GABRR2: variants seen among roughly 807,000 people sequenced by gnomAD.
GABRR2 encodes the protein gamma-aminobutyric acid receptor subunit rho-2.
A neutral mutation model predicts 47.0 loss-of-function variants in GABRR2; 36 were observed. The ratio of observed to expected loss-of-function variants is 0.77; its 90% CI spans 0.59 to 1.01. The LOEUF (loss-of-function observed/expected upper bound fraction) is 1.01. Ranked by LOEUF, GABRR2 falls within the 50% of genes least tolerant of loss-of-function variation. The pLI, the probability that GABRR2 is intolerant of heterozygous loss-of-function variation, is 0.00. For synonymous variants in GABRR2, 204 were observed against 227.5 expected (o/e 0.90, Z 0.93); for missense variants, 587 against 594.6 (o/e 0.99, Z 0.13).
In GABRR2 at chr6:89,257,675, A is replaced by G. The variant is rs1162560889; in HGVS notation, c.1393T>C (p.Ser465Pro). The change falls in exon 9 of 9, where the codon TCC becomes CCC. Residue 465 changes from serine (S) to proline (P), a missense_variant. By Grantham distance (74) the Ser-to-Pro change is moderately conservative. Transcript: ENST00000402938. ...FFNLIYWSVF[S>P] is the part of the protein sequence containing the mutation. Reference sequence around the variant, plus strand: ...TAGGAACAGCCTTGGAGCCCCTAGGAAAACACTGACCAATAAATTAAGTTG... The same window carrying G: ...TAGGAACAGCCTTGGAGCCCCTAGGGAAACACTGACCAATAAATTAAGTTG... 6.2e-7 allele frequency: 1 copy of G among 1,610,942 alleles called. No homozygotes were observed. The highest frequency in any genetic ancestry group is 2.2e-5 in the East Asian group (1 of 44,854).
intron 2 of GABRR2, among the ~76,000 whole-genome samples, chr6:89,280,201 T>A (rs1774230873): frequency 7.9e-6 from 1 of 126,708 alleles, no homozygotes; most frequent in Non-Finnish European, 1.6e-5. Flanking sequence ...AGAGACTTAG[T>A]CTAAAAACAA....
intron 2 of GABRR2, among the ~76,000 whole-genome samples, chr6:89,276,118 ATTAT>A (rs954499821): frequency 2.4e-4 from 36 of 147,656 alleles, no homozygotes; most frequent in African/African-American, 2.7e-4. Flanking sequence ...ATTATAAATC[ATTAT>A]TTATATTATA....
intron 2 of GABRR2, among the ~76,000 whole-genome samples, chr6:89,297,380 AG>A (rs1040615774): frequency 2.6e-5 from 4 of 152,150 alleles, no homozygotes; most frequent in African/African-American, 9.7e-5. Context: ...CCCAGCTAGG[AG>A]GGGGGTCCAA....
rs1352304558 is a variant in GABRR2 at position 89,302,669 on chromosome 6, C to T, written c.114-2804G>A. Reference sequence around the variant, plus strand: ...TTGATGCCAAGAACATGATGGCTGCCCGCGACCGGCACCACGGCTGCTACC... The same window carrying T: ...TTGATGCCAAGAACATGATGGCTGCTCGCGACCGGCACCACGGCTGCTACC... On this transcript the variant is annotated intron_variant, in intron 1 of 8. Transcript: ENST00000402938. 5 of 1,296,954 alleles carry T rather than the reference C, an allele frequency of 3.9e-6. No individual in the cohort carries two copies. The African/African-American group carries it at 6.0e-5, about 15-fold the overall frequency. 80.3% of individuals were successfully genotyped at this position (1,296,954 alleles called of 1,614,324 possible). A position where few individuals can be genotyped will look rare whatever the true frequency, so the allele number is the denominator to read the frequency against.
At chr6:89,271,041 T>C (rs1774038734) in intron 3 of GABRR2, among the ~76,000 whole-genome samples, 1 of 152,192 alleles carries the variant, frequency 6.6e-6, no homozygotes, top group African/African-American at 2.4e-5. Flanking sequence ...AAGAAGGAGA[T>C]AGCTATGGGG....
chr6:89,269,292 A>T, intron 3 of GABRR2, 58 bp from the exon 4 acceptor site: 1 of 1,300,356 alleles, frequency 7.7e-7, no homozygotes, highest in Non-Finnish European at 1.1e-6. Flanking sequence ...CTTCCTTACA[A>T]TCAACCCACC....
At chr6:89,265,518 G>T in intron 7 of GABRR2, 95 bp downstream of exon 7, 1 of 1,379,082 alleles carries the variant, frequency 7.3e-7, no homozygotes, top group Non-Finnish European at 9.8e-7. Context: ...CAGCTCATCA[G>T]TTAAGAAGTC....
In GABRR2 at chr6:89,257,361, T is replaced by C; in HGVS notation, c.*309A>G. ...GGCAATCTGAGGGTCTAAGAATGTC[T>C]AGGAGGCATTTGAATCCTTGTTTAT... On this transcript the variant is annotated 3_prime_UTR_variant, in exon 9 of 9. Coordinates refer to ENST00000402938, the MANE Select transcript of GABRR2 (RefSeq NM_002043.5). 2.9e-6 allele frequency: 1 copy of C among 346,986 alleles called. No homozygotes were observed. The allele number at this position is 346,986 out of a possible 1,614,324, so 21.5% of individuals were successfully genotyped here.
At chr6:89,264,338 G>A (rs1773826455) in intron 8 of GABRR2, 74 bp downstream of exon 8, 6 of 1,485,864 alleles carry the variant, frequency 4.0e-6, no homozygotes, top group Non-Finnish European at 5.4e-6. Flanking sequence ...CCCTGCCTCT[G>A]CCCCCTGGCC....
intron 4 of GABRR2, among the ~76,000 whole-genome samples, chr6:89,268,608 G>A (rs1401632482): frequency 1.3e-5 from 2 of 150,158 alleles, no homozygotes; most frequent in African/African-American, 4.9e-5. Flanking sequence ...TACTCCAGAA[G>A]CCAATCTGCA....
Position 89,255,334 on chromosome 6 carries a change from G to A in GABRR2, c.*2336C>T, listed in dbSNP as rs556109985. On this transcript the variant is annotated 3_prime_UTR_variant, in exon 9 of 9. Transcript: ENST00000402938. ...ATGCCTGTAATCCCAGCTACTCCAG[G>A]GCTGAGGCAGGAGAATTGCTTGAAC... Among the ~76,000 whole-genome samples, 2 of 152,002 alleles carry A rather than the reference G, an allele frequency of 1.3e-5. No individual in the cohort carries two copies. The highest frequency in any genetic ancestry group is 2.4e-5 in the African/African-American group (1 of 41,362).
chr6:89,287,651 G>A (rs1774355398), intron 2 of GABRR2, among the ~76,000 whole-genome samples: 1 of 152,206 alleles, frequency 6.6e-6, no homozygotes, highest in African/African-American at 2.4e-5. Context: ...GGTGGGTGCT[G>A]ATATCACCCC....
At position 89,271,685 on chromosome 6, in the gene GABRR2, C is replaced by T; in HGVS notation, c.258G>A (p.Glu86=). ...AIPVGVDVQV[E]SLDSISEVDM... The stretch of plus-strand genomic sequence containing the variant: ...CCACCTCGGAGATGCTGTCCAGGCT[C>T]TCCACCTGTACGTCCACGCCCACCG... The change falls in exon 3 of 9, where the codon GAG becomes GAA. Residue 86 remains glutamate (E), a synonymous_variant. Transcript: ENST00000402938. 1 of 1,612,642 alleles carries T rather than the reference C, an allele frequency of 6.2e-7. No individual in the cohort carries two copies.
At chr6:89,276,568 C>T (rs1035180335) in intron 2 of GABRR2, among the ~76,000 whole-genome samples, 2 of 151,810 alleles carry the variant, frequency 1.3e-5, no homozygotes, top group African/African-American at 4.8e-5. Context: ...AATAGTAAAC[C>T]GTTGTAAGAT....
At chr6:89,314,094 T>A (rs980592481) in intron 1 of GABRR2, among the ~76,000 whole-genome samples, 8 of 151,702 alleles carry the variant, frequency 5.3e-5, no homozygotes, top group African/African-American at 1.9e-4. Context: ...CACATGTATG[T>A]GATTTGTAAG....
intron 2 of GABRR2, among the ~76,000 whole-genome samples, chr6:89,292,823 ATATATCGTATATACGATATATCG>A (rs1774491390): frequency 6.7e-5 from 1 of 14,974 alleles, no homozygotes; most frequent in Non-Finnish European, 1.1e-4. Context: ...GATATATCGT[ATATATCGTATATACGATATATCG>A]TATATATCAT....
chr6:89,259,752 C>T (rs1205980683), intron 8 of GABRR2, among the ~76,000 whole-genome samples: 1 of 152,066 alleles, frequency 6.6e-6, no homozygotes, highest in East Asian at 1.9e-4. Flanking sequence ...GATCTGCCTG[C>T]CTAGGCCTCC....
Position 89,254,651 on chromosome 6 carries a change from TCATTCATG to T in GABRR2, c.*3011_*3018del, listed in dbSNP as rs1447959880. ...GTCTTAGATTCAGTGAAGTAAAGTA[TCATTCATG>T]CATTCCTGATAACAATTGTGTTTGC... On this transcript the variant is annotated 3_prime_UTR_variant, in exon 9 of 9. Transcript: ENST00000402938. 1.2e-4 allele frequency among the ~76,000 whole-genome samples: 18 copies of T among 152,242 alleles called. No individual in the cohort carries two copies. Among genetic ancestry groups the T allele is most frequent in the Non-Finnish European group, 2.5e-4 (17 of 68,042 alleles).
chr6:89,276,259 G>T (rs895999164), intron 2 of GABRR2, among the ~76,000 whole-genome samples: 1 of 150,852 alleles, frequency 6.6e-6, no homozygotes, highest in African/African-American at 2.4e-5. Flanking sequence ...AGATCCATAG[G>T]GGTCTTTGGA....
Sources: allele counts gnomAD v4.1 joint callset (sites outside exome capture counted in the v4.1 genomes callset), GRCh38; gene constraint gnomAD v4.1.1; transcripts MANE v1.5; gene names NCBI Gene and HGNC (gene_info 2026-07-23, HGNC 2026-07-21).